The following SLC35D4 variants were observed in gnomAD, a reference collection of about 807,000 sequenced individuals.
SLC35D4 encodes solute carrier family 35 member D4.
At chr18:23,373,612 A>T in the SLC35D4 span, 2 of 1,385,776 alleles carry the variant, frequency 1.4e-6, no homozygotes, top group Non-Finnish European at 2.0e-6. Flanking sequence ...AGGCCAAGTT[A>T]TCCTGCTTCT....
chr18:23,312,389 T>G, the SLC35D4 span, among the ~76,000 whole-genome samples: 1 of 152,200 alleles, frequency 6.6e-6, no homozygotes, highest in African/African-American at 2.4e-5. Context: ...TAGCAGCCAC[T>G]CCGGTGCCTT....
chr18:23,306,317 T>G, the SLC35D4 span, among the ~76,000 whole-genome samples: 1 of 152,122 alleles, frequency 6.6e-6, no homozygotes, highest in Non-Finnish European at 1.5e-5. Context: ...CTTCTTATTT[T>G]TTTTTTGAGA....
At chr18:23,390,324 T>C in the SLC35D4 span, among the ~76,000 whole-genome samples, 2 of 152,224 alleles carry the variant, frequency 1.3e-5, no homozygotes, top group Non-Finnish European at 2.9e-5. Flanking sequence ...CAAAAGGTCC[T>C]ACTCTCTTTC....
chr18:23,285,197 T>C, the SLC35D4 span, among the ~76,000 whole-genome samples: 4 of 152,092 alleles, frequency 2.6e-5, no homozygotes, highest in Non-Finnish European at 5.9e-5. Flanking sequence ...CTTATTTCCA[T>C]GCCCCGACCC....
chr18:23,279,457 AAT>A, the SLC35D4 span, among the ~76,000 whole-genome samples: 1 of 152,188 alleles, frequency 6.6e-6, no homozygotes, highest in South Asian at 2.1e-4. Flanking sequence ...GTCCCCTAAA[AAT>A]ATATGCTGGA....
chr18:23,323,515 C>T, the SLC35D4 span, among the ~76,000 whole-genome samples: 6 of 152,280 alleles, frequency 3.9e-5, no homozygotes, highest in East Asian at 1.2e-3. Flanking sequence ...GACCCTGGCT[C>T]CAAGTCTGGT....
chr18:23,274,291 A>G, the SLC35D4 span, among the ~76,000 whole-genome samples: 3 of 152,244 alleles, frequency 2.0e-5, no homozygotes, highest in Non-Finnish European at 2.9e-5. Context: ...ATTCACCTCC[A>G]GCCCAGAACC....
At chr18:23,380,518 C>T in the SLC35D4 span, among the ~76,000 whole-genome samples, 1 of 152,150 alleles carries the variant, frequency 6.6e-6, no homozygotes, top group African/African-American at 2.4e-5. Context: ...CTGGAGCTCA[C>T]CCGCTGGCCC....
the SLC35D4 span, among the ~76,000 whole-genome samples, chr18:23,265,938 A>G: frequency 2.0e-5 from 3 of 152,104 alleles, no homozygotes; most frequent in African/African-American, 7.2e-5. Flanking sequence ...CATGTTCCCT[A>G]AGGCAGCTGC....
chr18:23,406,340 G>T, the SLC35D4 span, among the ~76,000 whole-genome samples: 10 of 152,238 alleles, frequency 6.6e-5, no homozygotes, highest in Non-Finnish European at 1.0e-4. Flanking sequence ...TGGGCGGCAG[G>T]GGGTGGGAAG....
the SLC35D4 span, among the ~76,000 whole-genome samples, chr18:23,427,175 G>A: frequency 1.3e-5 from 2 of 152,074 alleles, no homozygotes; most frequent in African/African-American, 2.4e-5. Context: ...AATGGGATCT[G>A]ATTAAACTAA....
chr18:23,360,013 G>A, the SLC35D4 span, among the ~76,000 whole-genome samples: 29 of 152,282 alleles, frequency 1.9e-4, no homozygotes, highest in African/African-American at 4.3e-4. Context: ...CGCTGCCAGC[G>A]CACTCCAAAG....
the SLC35D4 span, among the ~76,000 whole-genome samples, chr18:23,303,313 G>T: frequency 3.9e-5 from 6 of 152,308 alleles, no homozygotes; most frequent in African/African-American, 1.4e-4. Flanking sequence ...CCAAAGTCAA[G>T]GTTCCTTTTG....
chr18:23,354,368 A>C, the SLC35D4 span, among the ~76,000 whole-genome samples: 1 of 134,942 alleles, frequency 7.4e-6, no homozygotes, highest in Admixed American at 7.3e-5. Flanking sequence ...AAAAAAAAAG[A>C]AAATTAGCCT....
chr18:23,411,548 A>AGAAAGAAG, the SLC35D4 span, among the ~76,000 whole-genome samples: 10 of 150,286 alleles, frequency 6.7e-5, no homozygotes, highest in Non-Finnish European at 1.5e-4. Flanking sequence ...AAAGAAAGAA[A>AGAAAGAAG]GAAAGGTGTG....
At chr18:23,274,198 A>G in the SLC35D4 span, among the ~76,000 whole-genome samples, 1 of 152,304 alleles carries the variant, frequency 6.6e-6, no homozygotes, top group African/African-American at 2.4e-5. Flanking sequence ...AGCCTCCTGA[A>G]GTGCTGGAAT....
At chr18:23,320,095 C>T in the SLC35D4 span, among the ~76,000 whole-genome samples, 1 of 152,186 alleles carries the variant, frequency 6.6e-6, no homozygotes, top group South Asian at 2.1e-4. Context: ...TCAAATATTG[C>T]TTCTGCCCAA....
chr18:23,268,081 G>C, the SLC35D4 span, among the ~76,000 whole-genome samples: 1 of 152,208 alleles, frequency 6.6e-6, no homozygotes, highest in Non-Finnish European at 1.5e-5. Context: ...CCAGAAAAGA[G>C]AGCAGGCCTT....
chr18:23,286,203 C>T, the SLC35D4 span, among the ~76,000 whole-genome samples: 553 of 152,296 alleles, frequency 3.6e-3, 1 homozygote, highest in Middle Eastern at 6.8e-3. Context: ...CAATTCCTTG[C>T]CTCCACTGTG....
Sources: gnomAD v4.1 joint callset for allele counts (sites outside exome capture counted in the v4.1 genomes callset) on GRCh38, gnomAD v4.1.1 for gene constraint, MANE v1.5 for transcripts, NCBI Gene and HGNC (gene_info 2026-07-23, HGNC 2026-07-21) for gene names.